The following NTNG1 variants were observed in gnomAD, a reference collection of about 807,000 sequenced individuals.
NTNG1 encodes netrin-G1.
Under a neutral mutation model 54.0 loss-of-function variants are expected in NTNG1, and 16 were observed. The observed-to-expected ratio is 0.30, with a 90% CI of 0.20 to 0.45. NTNG1 has a LOEUF of 0.45. Ranked by LOEUF, NTNG1 falls within the 20% of genes least tolerant of loss-of-function variation. The pLI is 1.00. For synonymous variants in NTNG1, 255 were observed against 263.1 expected, an observed-to-expected ratio of 0.97 and a Z score of 0.30; for missense variants, 530 against 678.7, an observed-to-expected ratio of 0.78 and a Z score of 2.43.
At chr1:107,216,374 C>G (rs530344717) in intron 2 of NTNG1, among the ~76,000 whole-genome samples, 24 of 152,118 alleles carry the variant, frequency 1.6e-4, no homozygotes, top group Non-Finnish European at 1.5e-4. Flanking sequence ...TGGATTTTGT[C>G]AAATGCTTTT....
chr1:107,480,583 C>CCCCCCCCAACAA, intron 7 of NTNG1, 28 bp from the exon 8 acceptor site: 1 of 744,750 alleles, frequency 1.3e-6, no homozygotes. Context: ...CGCGCCCACC[C>CCCCCCCCAACAA]ACCCCTACCT....
intron 2 of NTNG1, among the ~76,000 whole-genome samples, chr1:107,301,600 G>T (rs78463784): frequency 0.057 from 8,651 of 152,152 alleles, 411 homozygotes; most frequent in East Asian, 0.2. Flanking sequence ...ATCCTAATAA[G>T]AAATTTTAAA....
intron 3 of NTNG1, among the ~76,000 whole-genome samples, chr1:107,331,811 T>C (rs2101898563): frequency 6.6e-6 from 1 of 152,206 alleles, no homozygotes; most frequent in South Asian, 2.1e-4. Context: ...GTGCTGCCTC[T>C]TTCATATAAT....
At chr1:107,356,228 T>C (rs1669923724) in intron 3 of NTNG1, among the ~76,000 whole-genome samples, 1 of 152,180 alleles carries the variant, frequency 6.6e-6, no homozygotes, top group Non-Finnish European at 1.5e-5. Context: ...TAAAATGATA[T>C]TGACCTAGAA....
intron 2 of NTNG1, among the ~76,000 whole-genome samples, chr1:107,269,868 C>A (rs1281041570): frequency 6.6e-6 from 1 of 152,214 alleles, no homozygotes; most frequent in Non-Finnish European, 1.5e-5. Flanking sequence ...TAAATGAACA[C>A]ATAGACATCA....
chr1:107,211,069 T>C (rs1484342644), intron 2 of NTNG1, among the ~76,000 whole-genome samples: 7 of 152,178 alleles, frequency 4.6e-5, no homozygotes, highest in Non-Finnish European at 8.8e-5. Flanking sequence ...GTCATACATA[T>C]TCTCTGTAAT....
At position 107,473,328 on chromosome 1, in the gene NTNG1, C is replaced by G. The variant is rs112222423; in HGVS notation, c.1391-7283C>G. Among the ~76,000 whole-genome samples the G allele has an allele frequency of 6.3e-3, 963 of 152,266 alleles. 5 individuals are homozygous for G. Among genetic ancestry groups the G allele is most frequent in the South Asian group, 0.015 (73 of 4,830 alleles). On this transcript the variant is annotated intron_variant, in intron 7 of 7. Coordinates refer to ENST00000370068, the MANE Select transcript of NTNG1 (RefSeq NM_001113226.3). ...AAAACCCAGAGAAAAGAAAACTTCCCTTTGGTAGTGGAATGGATCATCATG... is the reference window on the plus strand; with the variant it reads ...AAAACCCAGAGAAAAGAAAACTTCCGTTTGGTAGTGGAATGGATCATCATG...
chr1:107,430,813 G>A lies in NTNG1; in HGVS notation c.1151G>A (p.Cys384Tyr). The A allele has an allele frequency of 6.2e-7, 1 of 1,613,230 alleles. No individual in the cohort carries two copies. Among genetic ancestry groups the A allele is most frequent in the Non-Finnish European group, 8.5e-7 (1 of 1,179,604 alleles). The part of the protein sequence containing the change: ...SYIDLLNTVI[C>Y]VSCKHNTRGQ... Reference sequence around the variant, plus strand: ...ATCGATCTGCTAAATACAGTCATTTGCGTGAGCTGTAAACACAACACTAGA... The same window carrying A: ...ATCGATCTGCTAAATACAGTCATTTACGTGAGCTGTAAACACAACACTAGA... The change falls in exon 6 of 8, where the codon TGC (cysteine) becomes TAC (tyrosine). Residue 384 changes from cysteine (C) to tyrosine (Y), a missense_variant. Physicochemically the swap from Cys to Tyr is radical, Grantham distance 194 (BLOSUM62 -2). This residue lies in a region of NTNG1 where 212 missense variants were observed against 213.6 expected (regional missense o/e 0.99). Transcript: ENST00000370068.
At position 107,156,469 on chromosome 1, in the gene NTNG1, A is replaced by G. The variant is rs185119174; in HGVS notation, c.246+7630A>G. Among the ~76,000 whole-genome samples, 19 of 152,338 alleles carry G rather than the reference A, an allele frequency of 1.2e-4. No homozygotes were observed. The East Asian group carries it at 3.7e-3, about 29-fold the overall frequency. ...AACCAACGGAAAAAAGAATGAAAAT[A>G]TCATCAAGATATCCAAGTGGAAGGC... On this transcript the variant is annotated intron_variant, in intron 2 of 7. Transcript: ENST00000370068.
At chr1:107,182,938 A>G (rs1019186172) in intron 2 of NTNG1, among the ~76,000 whole-genome samples, 1 of 152,198 alleles carries the variant, frequency 6.6e-6, no homozygotes, top group Admixed American at 6.6e-5. Flanking sequence ...TCCAAAAATG[A>G]AGGAGAATTC....
intron 2 of NTNG1, among the ~76,000 whole-genome samples, chr1:107,275,652 T>C (rs1472211060): frequency 6.6e-6 from 1 of 152,184 alleles, no homozygotes; most frequent in Non-Finnish European, 1.5e-5. Flanking sequence ...ATGTCCCAGC[T>C]TAAAGGCAGC....
At chr1:107,393,238 C>A (rs1672473862) in intron 3 of NTNG1, among the ~76,000 whole-genome samples, 2 of 152,120 alleles carry the variant, frequency 1.3e-5, no homozygotes, top group South Asian at 4.1e-4. Flanking sequence ...TGTTCAATTT[C>A]CTCATTTGGA....
chr1:107,363,524 A>G (rs1418858655), intron 3 of NTNG1, among the ~76,000 whole-genome samples: 1 of 152,234 alleles, frequency 6.6e-6, no homozygotes, highest in Non-Finnish European at 1.5e-5. Flanking sequence ...ATGTTAGTTA[A>G]GTAAAATTAA....
At chr1:107,224,970 T>C (rs1292144212) in intron 2 of NTNG1, among the ~76,000 whole-genome samples, 1 of 152,038 alleles carries the variant, frequency 6.6e-6, no homozygotes, top group Non-Finnish European at 1.5e-5. Context: ...TTATAGTGAG[T>C]AGTGAATAAG....
rs530650274 is a variant in NTNG1 at position 107,459,946 on chromosome 1, A to G, written c.1391-20665A>G. Among the ~76,000 whole-genome samples the G allele has an allele frequency of 5.3e-5, 8 of 152,350 alleles. No individual in the cohort carries two copies. In the East Asian group the frequency reaches 1.5e-3, roughly 29 times the overall value. ...TTTCCAACTAGTCCCATGTACACTC[A>G]GGGAGAGCAAATGAACTTTTGAAGT... is the stretch of plus-strand genomic sequence containing the variant. On this transcript the variant is annotated intron_variant, in intron 7 of 7. Transcript: ENST00000370068.
intron 7 of NTNG1, among the ~76,000 whole-genome samples, chr1:107,457,391 G>A (rs979744031): frequency 1.3e-5 from 2 of 152,214 alleles, no homozygotes; most frequent in Non-Finnish European, 2.9e-5. Flanking sequence ...ATTTACCCAT[G>A]TGCATGGCAC....
In NTNG1 at chr1:107,482,693, C is replaced by T. The variant is rs1385930826; in HGVS notation, c.*1853C>T. On this transcript the variant is annotated 3_prime_UTR_variant, in exon 8 of 8. Coordinates refer to ENST00000370068, the MANE Select transcript of NTNG1 (RefSeq NM_001113226.3). ...TAGTGTAAGGTCAGAAACCTAGTTC[C>T]AGTCTGAATTCTTCACCCTGCTGCC... 6.6e-6 allele frequency: 1 copy of T among 152,134 alleles called. No individual in the cohort carries two copies. The highest frequency in any genetic ancestry group is 1.9e-4 in the East Asian group (1 of 5,198). 9.4% of individuals were successfully genotyped at this position (152,134 alleles called of 1,614,324 possible). A position where few individuals can be genotyped will look rare whatever the true frequency, so the allele number is the denominator to read the frequency against.
intron 3 of NTNG1, among the ~76,000 whole-genome samples, chr1:107,357,212 A>G (rs189249564): frequency 6.6e-6 from 1 of 152,292 alleles, no homozygotes; most frequent in African/African-American, 2.4e-5. Flanking sequence ...CTTATGCCCT[A>G]TAGTATATGA....
chr1:107,242,465 A>G (rs1661906458), intron 2 of NTNG1, among the ~76,000 whole-genome samples: 1 of 152,198 alleles, frequency 6.6e-6, no homozygotes, highest in African/African-American at 2.4e-5. Flanking sequence ...AAGTCTTCCA[A>G]CCACATAGTT....
Sources: allele counts gnomAD v4.1 joint callset (sites outside exome capture counted in the v4.1 genomes callset), GRCh38; gene constraint gnomAD v4.1.1; regional missense constraint gnomAD v4.1.1; transcripts MANE v1.5; gene names NCBI Gene and HGNC (gene_info 2026-07-23, HGNC 2026-07-21).